The following ROBO2 variants were observed in gnomAD, a reference collection of about 807,000 sequenced individuals.
The protein encoded by ROBO2 is roundabout homolog 2.
ROBO2 carries 53 observed loss-of-function variants against 160.8 expected under a neutral mutation model. That is an observed-to-expected ratio of 0.33 (90% CI 0.26 to 0.41). The LOEUF (loss-of-function observed/expected upper bound fraction) is 0.41, where lower values mean the gene tolerates loss of function less well. Among genes scored for constraint, ROBO2 ranks in the 10% least tolerant of loss-of-function variants. The pLI is 1.00. For missense variants in ROBO2, 1,577 were observed against 1,722.4 expected, an observed-to-expected ratio of 0.92 and a Z score of 1.49; for synonymous variants, 664 against 611.7, an observed-to-expected ratio of 1.09 and a Z score of -1.26.
intron 2 of ROBO2, among the ~76,000 whole-genome samples, chr3:76,520,314 G>C (rs1009525084): frequency 6.6e-6 from 1 of 152,156 alleles, no homozygotes; most frequent in Non-Finnish European, 1.5e-5. Flanking sequence ...AGCCGGGCGT[G>C]GTGGCAGGCA....
intron 2 of ROBO2, among the ~76,000 whole-genome samples, chr3:76,098,451 G>T (rs752615112): frequency 6.6e-6 from 1 of 152,158 alleles, no homozygotes; most frequent in South Asian, 2.1e-4. Flanking sequence ...AAGTGCAAGT[G>T]TGTATTATAG....
At chr3:77,193,461 T>TTTTG (rs1296731046) in intron 2 of ROBO2, among the ~76,000 whole-genome samples, 1 of 148,324 alleles carries the variant, frequency 6.7e-6, no homozygotes, top group Non-Finnish European at 1.5e-5. Flanking sequence ...TTTTTTTTTT[T>TTTTG]TAAAGACAGG....
intron 2 of ROBO2, among the ~76,000 whole-genome samples, chr3:76,261,738 GA>G (rs1352280890): frequency 6.6e-6 from 1 of 151,904 alleles, no homozygotes; most frequent in East Asian, 1.9e-4. Flanking sequence ...TTTTTTAGTA[GA>G]TTGTATGTAT....
intron 2 of ROBO2, among the ~76,000 whole-genome samples, chr3:76,910,186 T>C (rs2075879063): frequency 6.6e-6 from 1 of 152,172 alleles, no homozygotes; most frequent in African/African-American, 2.4e-5. Flanking sequence ...AGTGCCTTAC[T>C]CAAGATGTTT....
At chr3:76,374,230 A>T (rs2076238266) in intron 2 of ROBO2, among the ~76,000 whole-genome samples, 1 of 151,998 alleles carries the variant, frequency 6.6e-6, no homozygotes, top group South Asian at 2.1e-4. Flanking sequence ...CAAATGATAA[A>T]GCATCCAGAA....
chr3:76,646,302 G>A (rs2090968103), intron 2 of ROBO2, among the ~76,000 whole-genome samples: 1 of 152,118 alleles, frequency 6.6e-6, no homozygotes, highest in African/African-American at 2.4e-5. Context: ...AGCCAACGCC[G>A]ATGCAGAAAG....
chr3:77,157,159 G>T (rs968919620), intron 2 of ROBO2, among the ~76,000 whole-genome samples: 1 of 152,022 alleles, frequency 6.6e-6, no homozygotes, highest in Non-Finnish European at 1.5e-5. Context: ...GTCTATAGAG[G>T]TGATGCGCCC....
chr3:77,433,430 A>G (rs1553954756), intron 2 of ROBO2, among the ~76,000 whole-genome samples: 3 of 145,542 alleles, frequency 2.1e-5, no homozygotes, highest in Non-Finnish European at 4.5e-5. Flanking sequence ...ATTAGGGACC[A>G]TGCAGGGTGC....
At chr3:75,920,485 C>T (rs1946987396) in intron 1 of ROBO2, among the ~76,000 whole-genome samples, 1 of 152,100 alleles carries the variant, frequency 6.6e-6, no homozygotes, top group Non-Finnish European at 1.5e-5. Flanking sequence ...CTATGTGGTG[C>T]TGAGAAGAAT....
At chr3:76,325,206 C>G (rs2072912020) in intron 2 of ROBO2, among the ~76,000 whole-genome samples, 1 of 152,218 alleles carries the variant, frequency 6.6e-6, no homozygotes, top group South Asian at 2.1e-4. Flanking sequence ...TGTAAACGCT[C>G]TGCTGTATTT....
chr3:76,514,403 C>A lies in ROBO2; in HGVS notation c.109+576801C>A, dbSNP rs373084817. 5.9e-5 allele frequency among the ~76,000 whole-genome samples: 9 copies of A among 152,292 alleles called. No homozygotes were observed. In the East Asian group the frequency reaches 1.7e-3, roughly 29 times the overall value. ...GAATAAACTAGTAAAATTCACAAAG[C>A]AGCTGAGAATTGTCCTTTATTCAGC... is the stretch of plus-strand genomic sequence containing the variant. On this transcript the variant is annotated intron_variant, in intron 2 of 26. Coordinates refer to the ROBO2 transcript ENST00000487694.
chr3:77,185,958 C>A (rs2081245371), intron 2 of ROBO2, among the ~76,000 whole-genome samples: 1 of 151,918 alleles, frequency 6.6e-6, no homozygotes, highest in Non-Finnish European at 1.5e-5. Context: ...TGTTCTCACT[C>A]ACAAGTGGTT....
In ROBO2 at chr3:76,370,714, T is replaced by C. The variant is rs932677095; in HGVS notation, c.109+433112T>C. 9.9e-5 allele frequency among the ~76,000 whole-genome samples: 15 copies of C among 151,966 alleles called. No homozygotes were observed. In the South Asian group the frequency reaches 3.1e-3, roughly 32 times the overall value. ...TACTAAATCAAAATGATCAAAATAA[T>C]TGCACCAAAGGCATACTTTTCTAGG... On this transcript the variant is annotated intron_variant, in intron 2 of 26. Transcript: ENST00000487694.
At chr3:76,141,077 A>ATATATATATATAT (rs1553656028) in intron 2 of ROBO2, among the ~76,000 whole-genome samples, 39 of 105,876 alleles carry the variant, frequency 3.7e-4, no homozygotes, top group East Asian at 5.9e-4. Flanking sequence ...ATATATATAT[A>ATATATATATATAT]AAATATATGT....
chr3:77,508,329 A>G (rs760898679), intron 5 of ROBO2, among the ~76,000 whole-genome samples: 1 of 147,908 alleles, frequency 6.8e-6, no homozygotes, highest in Non-Finnish European at 1.5e-5. Flanking sequence ...AACGTTTTAT[A>G]TATTACAAAA....
intron 2 of ROBO2, among the ~76,000 whole-genome samples, chr3:77,251,418 A>T (rs532788595): frequency 1.3e-3 from 202 of 152,244 alleles, no homozygotes; most frequent in African/African-American, 4.7e-3. Context: ...AGGGCAGTGA[A>T]TGCTGTGGTC....
intron 1 of ROBO2, among the ~76,000 whole-genome samples, chr3:75,929,550 G>T (rs1216627975): frequency 6.6e-6 from 1 of 152,150 alleles, no homozygotes; most frequent in African/African-American, 2.4e-5. Context: ...TGAGGTGGTT[G>T]TTCTTGGTTC....
Position 77,473,871 on chromosome 3 carries a change from C to A in ROBO2, c.389-3543C>A, listed in dbSNP as rs548866514. Among the ~76,000 whole-genome samples, 4 of 152,284 alleles carry A rather than the reference C, an allele frequency of 2.6e-5. No homozygotes were observed. In the East Asian group the frequency reaches 7.7e-4, roughly 29 times the overall value. ...AAATAATTTCTAGCTCCTATAGCAG[C>A]ACTTGGACATGCTGAACTGAAGAGG... is the stretch of plus-strand genomic sequence containing the variant. On this transcript the variant is annotated intron_variant, in intron 2 of 25. Transcript: ENST00000461745.
At position 77,255,212 on chromosome 3, in the gene ROBO2, A is replaced by C. The variant is rs548592615; in HGVS notation, c.388+156872A>C. 2.8e-4 allele frequency among the ~76,000 whole-genome samples: 43 copies of C among 152,332 alleles called. 1 individual carries two copies. The highest frequency in any genetic ancestry group is 2.7e-3 in the Admixed American group (41 of 15,286). ...AGGTTTTGAAATCAAATTAAGTTAC[A>C]TGAGTCCAAAATGTTGAGCAAGCCT... On this transcript the variant is annotated intron_variant, in intron 2 of 25. Coordinates refer to ENST00000461745, the Ensembl canonical transcript of ROBO2.
Sources: gnomAD v4.1 joint callset for allele counts (sites outside exome capture counted in the v4.1 genomes callset) on GRCh38, gnomAD v4.1.1 for gene constraint, MANE v1.5 for transcripts, NCBI Gene and HGNC (gene_info 2026-07-23, HGNC 2026-07-21) for gene names.